TESPA1: variants seen among roughly 807,000 people sequenced by gnomAD.
TESPA1 encodes thymocyte expressed, positive selection associated 1.
TESPA1 carries 33 observed loss-of-function variants against 57.9 expected under a neutral mutation model. The observed-to-expected ratio is 0.57, with a 90% CI of 0.43 to 0.76. The LOEUF (loss-of-function observed/expected upper bound fraction) is 0.76. Ranked by LOEUF, TESPA1 falls within the 30% of genes least tolerant of loss-of-function variation. TESPA1 has a pLI of 0.00. For missense variants in TESPA1, 618 were observed against 632.9 expected, an observed-to-expected ratio of 0.98 and a Z score of 0.25; for synonymous variants, 227 against 228.9, an observed-to-expected ratio of 0.99 and a Z score of 0.07.
chr12:54,974,808 TAA>T (rs1952059123), intron 1 of TESPA1, among the ~76,000 whole-genome samples: 1 of 152,226 alleles, frequency 6.6e-6, no homozygotes, highest in Admixed American at 6.5e-5. Context: ...AATACCGGGA[TAA>T]GTCTTTCAAG....
chr12:54,963,464 G>A (rs1951214891), intron 8 of TESPA1, among the ~76,000 whole-genome samples: 3 of 152,056 alleles, frequency 2.0e-5, no homozygotes, highest in East Asian at 3.9e-4. Context: ...CAAAAAAGAG[G>A]GATAAGATTT....
At chr12:54,959,813 C>A (rs973770738) in intron 10 of TESPA1, among the ~76,000 whole-genome samples, 1 of 152,128 alleles carries the variant, frequency 6.6e-6, no homozygotes, top group Non-Finnish European at 1.5e-5. Context: ...TCCTAACATG[C>A]CAGACCAGCA....
At chr12:54,953,953 TAAA>T (rs1368546174) in intron 10 of TESPA1, among the ~76,000 whole-genome samples, 1 of 152,262 alleles carries the variant, frequency 6.6e-6, no homozygotes, top group Non-Finnish European at 1.5e-5. Context: ...TGTTTTTCAC[TAAA>T]CTATGAGCTC....
At chr12:54,966,939 G>A (rs1184220933) in intron 5 of TESPA1, among the ~76,000 whole-genome samples, 1 of 152,118 alleles carries the variant, frequency 6.6e-6, no homozygotes, top group East Asian at 1.9e-4. Flanking sequence ...ATCATCCCAG[G>A]GGCCAAAGGA....
intron 1 of TESPA1, among the ~76,000 whole-genome samples, chr12:54,976,243 C>T (rs1952130739): frequency 6.6e-6 from 1 of 152,164 alleles, no homozygotes; most frequent in Non-Finnish European, 1.5e-5. Context: ...GCTTTCAGAG[C>T]ATTTAATGCA....
At position 54,967,218 on chromosome 12, in the gene TESPA1, G is replaced by A. The variant is rs1444258095; in HGVS notation, c.275C>T (p.Thr92Ile). The change falls in exon 5 of 11, where the codon ACC (threonine) becomes ATC (isoleucine). Residue 92 changes from threonine (T) to isoleucine (I), a missense_variant. Coordinates refer to ENST00000449076, the MANE Select transcript of TESPA1 (RefSeq NM_001136030.3). ...FIYNGFCSHGTSFEDDLTLGA... is the reference protein window; with the variant it reads ...FIYNGFCSHGISFEDDLTLGA... The stretch of plus-strand genomic sequence containing the variant: ...CAGGGTCAAGTCATCTTCAAAGCTG[G>A]TCCCATGGCTGCAGAAGCCTGTCCA... The A allele has an allele frequency of 1.9e-6, 3 of 1,612,518 alleles. No individual in the cohort carries two copies. Among genetic ancestry groups the A allele is most frequent in the Middle Eastern group, 3.3e-4 (2 of 6,084 alleles).
chr12:54,963,678 G>A (rs1951231077), intron 8 of TESPA1, 64 bp downstream of exon 8: 4 of 1,527,470 alleles, frequency 2.6e-6, no homozygotes, highest in Admixed American at 3.9e-5. Flanking sequence ...TGAAGCCACT[G>A]AGCCCTGCTG....
At chr12:54,973,845 T>C (rs1239181105) in intron 2 of TESPA1, 9 of 1,108,522 alleles carry the variant, frequency 8.1e-6, no homozygotes, top group Non-Finnish European at 9.9e-6. Context: ...AGAAAGACAA[T>C]CTTGTTTTTG....
At chr12:54,955,206 C>T (rs964364425) in intron 10 of TESPA1, among the ~76,000 whole-genome samples, 1 of 152,070 alleles carries the variant, frequency 6.6e-6, no homozygotes, top group African/African-American at 2.4e-5. Context: ...TTTGATATAC[C>T]TGTTGTGCAC....
At chr12:54,963,292 T>C (rs1951206280) in intron 8 of TESPA1, 50 bp from the exon 9 acceptor site, 1 of 1,522,634 alleles carries the variant, frequency 6.6e-7, no homozygotes, top group South Asian at 1.2e-5. Flanking sequence ...CAGCAAATCT[T>C]CTTAAATCTC....
chr12:54,968,019 A>G (rs778226229), intron 3 of TESPA1, 127 bp from the exon 4 acceptor site: 46 of 1,537,012 alleles, frequency 3.0e-5, no homozygotes, highest in Non-Finnish European at 3.9e-5. Flanking sequence ...ATTTGCTTTT[A>G]TGTTGGAGAA....
chr12:54,975,025 T>G (rs1243557185), intron 1 of TESPA1, among the ~76,000 whole-genome samples: 1 of 152,218 alleles, frequency 6.6e-6, no homozygotes, highest in Non-Finnish European at 1.5e-5. Context: ...TCACTTCATT[T>G]TTTAATCCTC....
intron 3 of TESPA1, 39 bp from the exon 4 acceptor site, chr12:54,967,931 T>C: frequency 6.2e-7 from 1 of 1,612,758 alleles, no homozygotes; most frequent in Non-Finnish European, 8.5e-7. Flanking sequence ...AGTCACTTAC[T>C]ACATTTTCCA....
At chr12:54,972,982 A>G (rs1054048059) in intron 3 of TESPA1, among the ~76,000 whole-genome samples, 1 of 152,212 alleles carries the variant, frequency 6.6e-6, no homozygotes, top group African/African-American at 2.4e-5. Context: ...GAGGAAAGAG[A>G]TAATGCACTG....
At chr12:54,954,618 A>G (rs977801867) in intron 10 of TESPA1, among the ~76,000 whole-genome samples, 7 of 152,224 alleles carry the variant, frequency 4.6e-5, no homozygotes, top group African/African-American at 1.7e-4. Flanking sequence ...TCCTGGCTTC[A>G]TCCACACCAC....
chr12:54,961,096 A>T (rs1029278040), intron 10 of TESPA1, 72 bp downstream of exon 10: 36 of 1,583,978 alleles, frequency 2.3e-5, no homozygotes, highest in Non-Finnish European at 3.0e-5. Flanking sequence ...TGGGTTTAAA[A>T]AAAAAAAACC....
In TESPA1 at chr12:54,963,007, T is replaced by C; in HGVS notation, c.891A>G (p.Arg297=). The C allele has an allele frequency of 6.2e-7, 1 of 1,613,826 alleles. No homozygotes were observed. Among genetic ancestry groups the C allele is most frequent in the Non-Finnish European group, 8.5e-7 (1 of 1,179,838 alleles). ...ISKMCLYTCP[R]DRPPPPHNTP... ...TGTTGTGGGGTGGTGGTGGCCGGTCTCGGGGGCATGTGTACAGACACATCT... is the reference window on the plus strand; with the variant it reads ...TGTTGTGGGGTGGTGGTGGCCGGTCCCGGGGGCATGTGTACAGACACATCT... Residue 297 remains arginine, a synonymous_variant, in exon 9 of 11, where the codon CGA becomes CGG. Transcript: ENST00000449076.
At chr12:54,958,741 T>G (rs1383180198) in intron 10 of TESPA1, among the ~76,000 whole-genome samples, 1 of 152,202 alleles carries the variant, frequency 6.6e-6, no homozygotes, top group Admixed American at 6.5e-5. Context: ...GTTTTGGTGG[T>G]TTTTATAGCT....
intron 5 of TESPA1, among the ~76,000 whole-genome samples, 165 bp from the exon 6 acceptor site, chr12:54,966,589 T>A (rs2136130550): frequency 6.6e-6 from 1 of 152,322 alleles, no homozygotes; most frequent in African/African-American, 2.4e-5. Context: ...CAAGATTACC[T>A]AACACAGTTC....
Sources: allele counts gnomAD v4.1 joint callset (sites outside exome capture counted in the v4.1 genomes callset), GRCh38; gene constraint gnomAD v4.1.1; transcripts MANE v1.5; gene names NCBI Gene and HGNC (gene_info 2026-07-23, HGNC 2026-07-21).